Variants in RWDD3 observed in about 807,000 individuals in gnomAD.
RWDD3 encodes RWD domain-containing protein 3.
A neutral mutation model predicts 26.5 loss-of-function variants in RWDD3; 30 were observed. That is an observed-to-expected ratio of 1.13 (90% CI 0.85 to 1.54). RWDD3 has a LOEUF of 1.54. Among genes scored for constraint, RWDD3 ranks in the 40% most tolerant of loss-of-function variants. RWDD3 has a pLI of 0.00. For synonymous variants in RWDD3, 113 were observed against 114.5 expected, an observed-to-expected ratio of 0.99 and a Z score of 0.09; for missense variants, 296 against 309.1, an observed-to-expected ratio of 0.96 and a Z score of 0.32.
intron 1 of RWDD3, among the ~76,000 whole-genome samples, chr1:95,237,690 G>A (rs1680420017): frequency 1.3e-5 from 2 of 152,176 alleles, no homozygotes; most frequent in Admixed American, 6.5e-5. Context: ...TTTTCTGTAT[G>A]CATTGTAGTC....
intron 1 of RWDD3, among the ~76,000 whole-genome samples, chr1:95,235,022 G>A (rs1680248246): frequency 1.3e-5 from 2 of 150,944 alleles, no homozygotes; most frequent in Non-Finnish European, 3.0e-5. Flanking sequence ...CACCATGCCT[G>A]GCTGAATTTT....
At chr1:95,237,185 G>A (rs757958801) in intron 1 of RWDD3, among the ~76,000 whole-genome samples, 129 of 150,462 alleles carry the variant, frequency 8.6e-4, no homozygotes, top group Non-Finnish European at 1.3e-3. Flanking sequence ...CATGATTTTC[G>A]TAACATCTTT....
intron 2 of RWDD3, 45 bp downstream of exon 2, chr1:95,244,743 C>A: frequency 6.3e-7 from 1 of 1,582,608 alleles, no homozygotes; most frequent in Non-Finnish European, 8.6e-7. Context: ...CTATTTTCTG[C>A]TTTAAATGGT....
intron 1 of RWDD3, among the ~76,000 whole-genome samples, chr1:95,238,450 C>T (rs1680459587): frequency 6.7e-6 from 1 of 148,636 alleles, no homozygotes; most frequent in African/African-American, 2.5e-5. Context: ...TACATTGAAA[C>T]TTATGTAAAA....
chr1:95,240,546 A>G (rs1265012650), intron 1 of RWDD3, among the ~76,000 whole-genome samples: 2 of 152,172 alleles, frequency 1.3e-5, no homozygotes, highest in African/African-American at 4.8e-5. Context: ...TAATGGGAGC[A>G]AGAGGCAGAG....
chr1:95,237,763 C>T (rs1023861705), intron 1 of RWDD3, among the ~76,000 whole-genome samples: 4 of 152,132 alleles, frequency 2.6e-5, no homozygotes, highest in African/African-American at 7.2e-5. Context: ...ATGCATCTTA[C>T]TTGATGAGGG....
At chr1:95,239,951 T>G in intron 1 of RWDD3, 5 of 1,288,302 alleles carry the variant, frequency 3.9e-6, no homozygotes, top group Non-Finnish European at 4.0e-6. Context: ...ACTGTGGGTC[T>G]CAGGGTTTTG....
chr1:95,242,895 G>T (rs1475127573), intron 1 of RWDD3, among the ~76,000 whole-genome samples: 1 of 152,014 alleles, frequency 6.6e-6, no homozygotes, highest in Non-Finnish European at 1.5e-5. Context: ...CTCCAGCCTG[G>T]GCGACAGAGT....
Position 95,244,307 on chromosome 1 carries a change from A to G in RWDD3, c.182A>G (p.Tyr61Cys), listed in dbSNP as rs767892731. Residue 61 changes from tyrosine (Y) to cysteine (C), a missense_variant, in exon 2 of 4, where the codon TAT (tyrosine) becomes TGT (cysteine). Physicochemically the swap from Tyr to Cys is radical, Grantham distance 194. Coordinates refer to ENST00000370202, the MANE Select transcript of RWDD3 (RefSeq NM_015485.5). ...TTGGTGTTCCATTTGCCAGTCAATT[A>G]TCCTTCATGTCTACCTGGTATCTCG... is the stretch of plus-strand genomic sequence containing the variant. ...LELVFHLPVN[Y>C]PSCLPGISIN... 1.9e-5 allele frequency: 30 copies of G among 1,614,090 alleles called. No homozygotes were observed. Among genetic ancestry groups the G allele is most frequent in the African/African-American group, 5.3e-5 (4 of 74,934 alleles).
intron 1 of RWDD3, among the ~76,000 whole-genome samples, chr1:95,238,271 G>C (rs191704879): frequency 1.3e-5 from 2 of 152,314 alleles, no homozygotes; most frequent in Admixed American, 6.5e-5. Flanking sequence ...GTTCAAATTA[G>C]TTTGGGCCTT....
chr1:95,242,646 C>T (rs761160566), intron 1 of RWDD3, among the ~76,000 whole-genome samples: 9 of 152,058 alleles, frequency 5.9e-5, no homozygotes, highest in South Asian at 2.1e-4. Flanking sequence ...AGGCCGGGTG[C>T]GGTGGCTCAT....
At chr1:95,234,979 G>A (rs1455084836) in intron 1 of RWDD3, among the ~76,000 whole-genome samples, 2 of 151,786 alleles carry the variant, frequency 1.3e-5, no homozygotes, top group Admixed American at 1.3e-4. Flanking sequence ...TGCAGCCTCC[G>A]CCTCCCGAGT....
chr1:95,244,070 GT>G, intron 1 of RWDD3, 140 bp from the exon 2 acceptor site: 1 of 1,260,818 alleles, frequency 7.9e-7, no homozygotes, highest in Admixed American at 2.5e-5. Context: ...AGCTTTCCTA[GT>G]ATTACGTGTC....
At chr1:95,243,544 T>C (rs1680720837) in intron 1 of RWDD3, 1 of 152,302 alleles carries the variant, frequency 6.6e-6, no homozygotes, top group Non-Finnish European at 1.5e-5. Context: ...GAGCAGAGGA[T>C]TTCATATGAT....
At chr1:95,237,489 T>C (rs1270810450) in intron 1 of RWDD3, 1 of 152,192 alleles carries the variant, frequency 6.6e-6, no homozygotes, top group Non-Finnish European at 1.5e-5. Flanking sequence ...AATAATTGGA[T>C]TCCATTTAGC....
At chr1:95,234,784 C>T (rs1680227499) in intron 1 of RWDD3, among the ~76,000 whole-genome samples, 1 of 152,134 alleles carries the variant, frequency 6.6e-6, no homozygotes, top group Non-Finnish European at 1.5e-5. Flanking sequence ...TTGGTAATGA[C>T]TCCAGGCACC....
At chr1:95,241,493 T>A (rs993810949) in intron 1 of RWDD3, among the ~76,000 whole-genome samples, 1 of 152,190 alleles carries the variant, frequency 6.6e-6, no homozygotes, top group Non-Finnish European at 1.5e-5. Flanking sequence ...ATCTTTGTCC[T>A]GAAGGAATAT....
Position 95,246,613 on chromosome 1 carries a change from G to A in RWDD3, c.645G>A (p.Met215Ile). Reference sequence around the variant, plus strand: ...GTGGAAAGAAATGCAAAGAGAAAATGATTAGTGTACTGTTTGAAACAAAAG... The same window carrying A: ...GTGGAAAGAAATGCAAAGAGAAAATAATTAGTGTACTGTTTGAAACAAAAG... The part of the protein sequence containing the change: ...DSSGKKCKEK[M>I]ISVLFETKVQ... Residue 215 changes from methionine (M) to isoleucine (I), a missense_variant, in exon 3 of 4, where the codon ATG becomes ATA. By Grantham distance (10) the Met-to-Ile change is conservative. Coordinates refer to ENST00000370202, the MANE Select transcript of RWDD3 (RefSeq NM_015485.5). 5 of 1,612,818 alleles carry A rather than the reference G, an allele frequency of 3.1e-6. No individual in the cohort carries two copies. Among genetic ancestry groups the A allele is most frequent in the Non-Finnish European group, 4.2e-6 (5 of 1,179,186 alleles).
intron 1 of RWDD3, chr1:95,240,025 T>C (rs1447000686): frequency 2.2e-6 from 2 of 920,844 alleles, no homozygotes. Flanking sequence ...TACATTGCCT[T>C]CTTTTGTAGT....
Sources: gnomAD v4.1 joint callset for allele counts (sites outside exome capture counted in the v4.1 genomes callset) on GRCh38, gnomAD v4.1.1 for gene constraint, MANE v1.5 for transcripts, NCBI Gene and HGNC (gene_info 2026-07-23, HGNC 2026-07-21) for gene names.